The following KALRN variants were observed in gnomAD, a reference collection of about 807,000 sequenced individuals.
The protein encoded by KALRN is kalirin.
KALRN carries 70 observed loss-of-function variants against 353.7 expected under a neutral mutation model. The ratio of observed to expected loss-of-function variants is 0.20; its 90% CI spans 0.16 to 0.24. The LOEUF (loss-of-function observed/expected upper bound fraction) is 0.24. KALRN is among the 10% of genes least tolerant of loss of function. The pLI, the probability that KALRN is intolerant of heterozygous loss-of-function variation, is 1.00. For missense variants in KALRN, 2,791 were observed against 3,756.7 expected (o/e 0.74, Z 6.72); for synonymous variants, 1,391 against 1,434.8 (o/e 0.97, Z 0.69).
At chr3:124,447,096 G>T (rs1288374538) in intron 21 of KALRN, among the ~76,000 whole-genome samples, 1 of 152,182 alleles carries the variant, frequency 6.6e-6, no homozygotes, top group African/African-American at 2.4e-5. Context: ...CTGTATGCAG[G>T]AAGTCAATTG....
chr3:124,647,332 AAC>A (rs2082885277), intron 37 of KALRN, among the ~76,000 whole-genome samples: 1 of 151,974 alleles, frequency 6.6e-6, no homozygotes, highest in South Asian at 2.1e-4. Flanking sequence ...AGACTCACAA[AAC>A]ACACAGTTAC....
chr3:124,670,966 C>T (rs116717978), intron 47 of KALRN, among the ~76,000 whole-genome samples: 403 of 152,238 alleles, frequency 2.6e-3, no homozygotes, highest in African/African-American at 9.3e-3. Flanking sequence ...CTCTCCCGAC[C>T]TCACCACGCC....
chr3:124,451,596 A>G (rs907940199), intron 21 of KALRN, among the ~76,000 whole-genome samples: 1 of 152,218 alleles, frequency 6.6e-6, no homozygotes, highest in African/African-American at 2.4e-5. Flanking sequence ...TTGAGTTTCA[A>G]GTGGGCTTAG....
chr3:124,518,263 C>T, intron 33 of KALRN: 1 of 753,782 alleles, frequency 1.3e-6, no homozygotes, highest in South Asian at 1.5e-5. Flanking sequence ...TTTCAGGTTG[C>T]ACTCTGCACT....
intron 34 of KALRN, among the ~76,000 whole-genome samples, chr3:124,589,912 G>A (rs2075604111): frequency 6.6e-6 from 1 of 152,184 alleles, no homozygotes; most frequent in South Asian, 2.1e-4. Context: ...GTGAATCTGA[G>A]GATGTAGAAC....
chr3:124,519,429 T>C, intron 33 of KALRN: 2 of 985,382 alleles, frequency 2.0e-6, no homozygotes, highest in Non-Finnish European at 2.4e-6. Context: ...GAGGCAGAGA[T>C]GATGATTCCA....
chr3:124,085,075 T>C (rs982389907), intron 1 of KALRN, among the ~76,000 whole-genome samples: 1 of 152,178 alleles, frequency 6.6e-6, no homozygotes, highest in Non-Finnish European at 1.5e-5. Flanking sequence ...TTCCCCCACC[T>C]GATGCATAAA....
chr3:124,592,593 T>G (rs1249554646), intron 34 of KALRN, among the ~76,000 whole-genome samples: 5 of 151,446 alleles, frequency 3.3e-5, no homozygotes, highest in African/African-American at 1.2e-4. Context: ...TGGTTCTTCT[T>G]CAGACTGTTT....
chr3:124,376,042 G>A (rs957708245), intron 10 of KALRN, among the ~76,000 whole-genome samples: 2 of 152,154 alleles, frequency 1.3e-5, no homozygotes, highest in African/African-American at 4.8e-5. Flanking sequence ...AGGTGCTAAA[G>A]CATTTTAGAT....
intron 1 of KALRN, chr3:124,163,979 T>C (rs1307637522): frequency 1.0e-6 from 1 of 985,330 alleles, no homozygotes; most frequent in Non-Finnish European, 1.2e-6. Context: ...TCTGTGGTCA[T>C]TCAGAGTAGC....
chr3:124,145,194 C>A (rs968606236), intron 1 of KALRN, among the ~76,000 whole-genome samples: 5 of 152,278 alleles, frequency 3.3e-5, no homozygotes, highest in African/African-American at 9.6e-5. Context: ...TGCTCCAGAC[C>A]TATCCTCCTC....
In KALRN at chr3:124,712,923, T is replaced by A. The variant is rs1370112728; in HGVS notation, c.8076-12T>A. 2 of 1,598,632 alleles carry A rather than the reference T, an allele frequency of 1.3e-6. No homozygotes were observed. The highest frequency in any genetic ancestry group is 1.7e-6 in the Non-Finnish European group (2 of 1,168,766). ...AATGAATGTTGGCAAACTCTCCCTT[T>A]TGTTTTTCCAGAGGCCGTTTCTCTA... On this transcript the variant is annotated splice_polypyrimidine_tract_variant and intron_variant, in intron 57 of 59. Coordinates refer to ENST00000682506, the MANE Select transcript of KALRN (RefSeq NM_001388419.1).
chr3:124,199,789 T>G (rs2075791806), intron 1 of KALRN, among the ~76,000 whole-genome samples: 1 of 152,148 alleles, frequency 6.6e-6, no homozygotes, highest in Non-Finnish European at 1.5e-5. Context: ...TTAGAGAATG[T>G]CAAGATCTGT....
chr3:124,644,038 A>T (rs1013817896), intron 37 of KALRN, among the ~76,000 whole-genome samples: 2 of 152,236 alleles, frequency 1.3e-5, no homozygotes, highest in African/African-American at 4.8e-5. Context: ...AATTTTATTA[A>T]TGATAATCCT....
rs773656151 is a variant in KALRN, at chr3:124,427,499, G to T, written c.2710-3157G>T. On this transcript the variant is annotated intron_variant, in intron 15 of 59. Transcript: ENST00000682506. ...TTGAGAACACAGCCATCTACAGGCG[G>T]CTTCCCAGCCTACATGGTTACAAGG... Among the ~76,000 whole-genome samples the T allele has an allele frequency of 1.1e-3, 169 of 152,352 alleles. 2 individuals are homozygous for T. The highest frequency in any genetic ancestry group is 6.8e-3 in the Middle Eastern group (2 of 294).
At chr3:124,589,956 C>T (rs574210429) in intron 34 of KALRN, among the ~76,000 whole-genome samples, 4 of 152,234 alleles carry the variant, frequency 2.6e-5, no homozygotes, top group Admixed American at 1.3e-4. Flanking sequence ...TATGCTTTTG[C>T]GATATGTCTC....
chr3:124,695,350 A>G (rs1360488529), intron 53 of KALRN, among the ~76,000 whole-genome samples: 1 of 152,238 alleles, frequency 6.6e-6, no homozygotes, highest in African/African-American at 2.4e-5. Context: ...CCTAGAATCA[A>G]GAAACTTTCA....
At chr3:124,392,982 C>T (rs1365149637) in intron 11 of KALRN, among the ~76,000 whole-genome samples, 2 of 127,682 alleles carry the variant, frequency 1.6e-5, no homozygotes, top group Admixed American at 8.1e-5. Flanking sequence ...ATTCCCCTTC[C>T]GGAGACAGAG....
At chr3:124,506,638 A>G (rs1296929750) in intron 33 of KALRN, among the ~76,000 whole-genome samples, 3 of 152,192 alleles carry the variant, frequency 2.0e-5, no homozygotes, top group Admixed American at 2.0e-4. Flanking sequence ...TGGCAACTCA[A>G]CTGCAAGGAC....
Sources: allele counts gnomAD v4.1 joint callset (sites outside exome capture counted in the v4.1 genomes callset), GRCh38; gene constraint gnomAD v4.1.1; transcripts MANE v1.5; gene names NCBI Gene and HGNC (gene_info 2026-07-23, HGNC 2026-07-21).